The following PRKCH variants were observed in gnomAD, a reference collection of about 807,000 sequenced individuals.
The protein encoded by PRKCH is protein kinase C eta.
A neutral mutation model predicts 82.5 loss-of-function variants in PRKCH; 28 were observed. The ratio of observed to expected loss-of-function variants is 0.34; its 90% CI spans 0.25 to 0.47. PRKCH has a LOEUF of 0.47. Ranked by LOEUF, PRKCH falls within the 20% of genes least tolerant of loss-of-function variation. The pLI is 1.00. For synonymous variants in PRKCH, 322 were observed against 327.4 expected, an observed-to-expected ratio of 0.98 and a Z score of 0.18; for missense variants, 705 against 881.8, an observed-to-expected ratio of 0.80 and a Z score of 2.54.
intron 1 of PRKCH, among the ~76,000 whole-genome samples, chr14:61,196,664 A>C (rs2044444834): frequency 6.6e-6 from 1 of 152,212 alleles, no homozygotes; most frequent in African/African-American, 2.4e-5. Flanking sequence ...CCCCTTTCCA[A>C]TCTGTGCCTG....
chr14:61,281,281 C>T, intron 1 of PRKCH: 1 of 436,058 alleles, frequency 2.3e-6, no homozygotes, highest in Non-Finnish European at 3.9e-6. Context: ...GGGTTTTTGC[C>T]CGGGCCCCTC....
At chr14:61,454,502 A>G (rs1260388689) in intron 7 of PRKCH, among the ~76,000 whole-genome samples, 1 of 152,222 alleles carries the variant, frequency 6.6e-6, no homozygotes, top group Non-Finnish European at 1.5e-5. Context: ...ACCAGGCAGG[A>G]CAGGTGACCA....
intron 1 of PRKCH, among the ~76,000 whole-genome samples, chr14:61,335,945 A>G (rs1462449788): frequency 6.6e-6 from 1 of 152,230 alleles, no homozygotes; most frequent in African/African-American, 2.4e-5. Context: ...ATTGGGGTTC[A>G]GCTATTCATT....
intron 9 of PRKCH, among the ~76,000 whole-genome samples, chr14:61,465,605 C>T (rs1322151577): frequency 6.6e-6 from 1 of 152,126 alleles, no homozygotes; most frequent in Non-Finnish European, 1.5e-5. Context: ...ATGCCAGTAC[C>T]ATAATGTTTT....
chr14:61,339,205 G>T (rs2045897018), intron 1 of PRKCH, among the ~76,000 whole-genome samples: 1 of 151,806 alleles, frequency 6.6e-6, no homozygotes. Flanking sequence ...CTGGCCTCCT[G>T]TTCAGGCTTA....
chr14:61,327,214 A>G (rs1242460478), intron 1 of PRKCH: 4 of 435,170 alleles, frequency 9.2e-6, no homozygotes, highest in African/African-American at 2.0e-5. Context: ...TGTCAGGTGA[A>G]GCAGCCATGT....
intron 1 of PRKCH, among the ~76,000 whole-genome samples, chr14:61,269,720 G>T (rs907904235): frequency 6.6e-6 from 1 of 152,180 alleles, no homozygotes; most frequent in Non-Finnish European, 1.5e-5. Flanking sequence ...TAGACCCAAA[G>T]GTAATTAAAT....
At chr14:61,335,830 A>G (rs1384018651) in intron 1 of PRKCH, among the ~76,000 whole-genome samples, 1 of 152,238 alleles carries the variant, frequency 6.6e-6, no homozygotes, top group Non-Finnish European at 1.5e-5. Flanking sequence ...TGCAGAATCT[A>G]TAATTATGGA....
At chr14:61,335,174 A>C (rs534734483) in intron 1 of PRKCH, among the ~76,000 whole-genome samples, 1 of 152,278 alleles carries the variant, frequency 6.6e-6, no homozygotes, top group Middle Eastern at 3.4e-3. Context: ...GTTGCCTCTT[A>C]GAAAAGAGGG....
intron 9 of PRKCH, among the ~76,000 whole-genome samples, chr14:61,458,746 A>C (rs984135870): frequency 3.9e-5 from 6 of 152,168 alleles, no homozygotes; most frequent in African/African-American, 9.7e-5. Context: ...GCAGGGTTTC[A>C]CGTGACAGCA....
Position 61,549,965 on chromosome 14 carries a change from T to C in PRKCH, c.*134T>C. On this transcript the variant is annotated 3_prime_UTR_variant, in exon 14 of 14. Coordinates refer to ENST00000332981, the MANE Select transcript of PRKCH (RefSeq NM_006255.5). The stretch of plus-strand genomic sequence containing the variant: ...CCTTCAAGGAGCAAGTGAAGAACTC[T>C]GTGAAGGATGGAACTTTCAGATATC... 1.1e-6 allele frequency: 1 copy of C among 944,992 alleles called. No homozygotes were observed. The highest frequency in any genetic ancestry group is 2.5e-5 in the East Asian group (1 of 40,712). 58.5% of individuals were successfully genotyped at this position (944,992 alleles called of 1,614,324 possible).
At chr14:61,486,812 C>T (rs967939509) in intron 10 of PRKCH, among the ~76,000 whole-genome samples, 24 of 152,084 alleles carry the variant, frequency 1.6e-4, no homozygotes, top group Admixed American at 3.9e-4. Context: ...CCACACCCAG[C>T]TCACATAAAC....
chr14:61,386,420 G>A, intron 1 of PRKCH, among the ~76,000 whole-genome samples: 1 of 152,294 alleles, frequency 6.6e-6, no homozygotes, highest in South Asian at 2.1e-4. Context: ...AGCCCGTTCA[G>A]GGAGGCCAGA....
chr14:61,363,170 A>AGT (rs2046252403), intron 1 of PRKCH, among the ~76,000 whole-genome samples: 1 of 152,220 alleles, frequency 6.6e-6, no homozygotes, highest in South Asian at 2.1e-4. Context: ...ATCAAGGACT[A>AGT]TAAAGGGGTA....
chr14:61,205,821 G>T (rs1035265204), intron 1 of PRKCH, among the ~76,000 whole-genome samples: 1 of 152,210 alleles, frequency 6.6e-6, no homozygotes, highest in East Asian at 1.9e-4. Flanking sequence ...ATTCCGTACT[G>T]TTCCTCAAAG....
At chr14:61,219,133 T>G (rs191480980) in intron 1 of PRKCH, among the ~76,000 whole-genome samples, 20 of 152,350 alleles carry the variant, frequency 1.3e-4, no homozygotes, top group African/African-American at 4.8e-4. Flanking sequence ...AAGCTGAGAA[T>G]GAATTTGGAT....
At chr14:61,191,725 T>C (rs2044407860) in intron 1 of PRKCH, among the ~76,000 whole-genome samples, 1 of 152,208 alleles carries the variant, frequency 6.6e-6, no homozygotes, top group South Asian at 2.1e-4. Flanking sequence ...CTCAACTTAC[T>C]CCTTCTGAAT....
At chr14:61,461,570 A>G (rs1038085249) in intron 9 of PRKCH, among the ~76,000 whole-genome samples, 1 of 152,224 alleles carries the variant, frequency 6.6e-6, no homozygotes, top group Non-Finnish European at 1.5e-5. Flanking sequence ...CAAGCAGTCA[A>G]CTGATATTTA....
chr14:61,412,262 A>T (rs757388019), intron 2 of PRKCH, among the ~76,000 whole-genome samples: 1 of 152,236 alleles, frequency 6.6e-6, no homozygotes, highest in African/African-American at 2.4e-5. Flanking sequence ...AGATAAGGAC[A>T]TTAAAATGGT....
Sources: allele counts gnomAD v4.1 joint callset (sites outside exome capture counted in the v4.1 genomes callset), GRCh38; gene constraint gnomAD v4.1.1; transcripts MANE v1.5; gene names NCBI Gene and HGNC (gene_info 2026-07-23, HGNC 2026-07-21).